ASZ1: variants seen among roughly 807,000 people sequenced by gnomAD.
ASZ1 encodes ankyrin repeat, SAM and basic leucine zipper domain containing 1, also known as ankyrin repeat, SAM and basic leucine zipper domain-containing protein 1.
In ASZ1, 67 loss-of-function variants were observed where a neutral mutation model predicts 61.8. That is an observed-to-expected ratio of 1.08 (90% CI 0.89 to 1.33). The LOEUF is 1.33. Among genes scored for constraint, ASZ1 ranks in the 40% most tolerant of loss-of-function variants. ASZ1 has a pLI of 0.00. For synonymous variants in ASZ1, 193 were observed against 192.7 expected, an observed-to-expected ratio of 1.00 and a Z score of -0.01; for missense variants, 577 against 554.5, an observed-to-expected ratio of 1.04 and a Z score of -0.41.
At chr7:117,386,800 C>T (rs964951663) in intron 4 of ASZ1, among the ~76,000 whole-genome samples, 4 of 152,066 alleles carry the variant, frequency 2.6e-5, no homozygotes, top group Non-Finnish European at 4.4e-5. Flanking sequence ...ACACCTATGT[C>T]CTTGTTAGCA....
intron 10 of ASZ1, among the ~76,000 whole-genome samples, chr7:117,370,529 G>A (rs1796029115): frequency 6.6e-6 from 1 of 152,128 alleles, no homozygotes; most frequent in Admixed American, 6.6e-5. Flanking sequence ...CCAATTTACA[G>A]TAGAAACAAC....
At chr7:117,390,178 G>A (rs1204554039) in intron 4 of ASZ1, among the ~76,000 whole-genome samples, 4 of 104,228 alleles carry the variant, frequency 3.8e-5, no homozygotes, top group Non-Finnish European at 5.2e-5. Flanking sequence ...TAACAGTGGG[G>A]GTTTTTTTTT....
At chr7:117,392,981 G>C (rs1584729788) in intron 4 of ASZ1, among the ~76,000 whole-genome samples, 1 of 151,808 alleles carries the variant, frequency 6.6e-6, no homozygotes. Flanking sequence ...TGAGTAGCTG[G>C]AACTACAGGC....
chr7:117,407,914 T>C (rs1796818628), intron 4 of ASZ1, among the ~76,000 whole-genome samples: 1 of 152,130 alleles, frequency 6.6e-6, no homozygotes, highest in Admixed American at 6.5e-5. Context: ...GGGCAGTTAG[T>C]GTGTATAGAG....
chr7:117,376,506 G>A (rs540098549), intron 10 of ASZ1, among the ~76,000 whole-genome samples: 1 of 152,170 alleles, frequency 6.6e-6, no homozygotes, highest in Non-Finnish European at 1.5e-5. Flanking sequence ...GAAACTTACA[G>A]AGCAATATTT....
chr7:117,420,323 C>G, intron 3 of ASZ1, 49 bp from the exon 4 acceptor site: 1 of 1,326,546 alleles, frequency 7.5e-7, no homozygotes, highest in Non-Finnish European at 1.1e-6. Flanking sequence ...TCAAGAGCAT[C>G]TATTCGATGT....
chr7:117,377,941 A>C (rs57088186), intron 10 of ASZ1, among the ~76,000 whole-genome samples: 19,154 of 152,014 alleles, frequency 0.13, 2,781 homozygotes, highest in African/African-American at 0.36. Flanking sequence ...TGGGGGAGGA[A>C]CAGCCTTTTC....
At chr7:117,375,821 A>G (rs1796125853) in intron 10 of ASZ1, among the ~76,000 whole-genome samples, 1 of 152,130 alleles carries the variant, frequency 6.6e-6, no homozygotes, top group Non-Finnish European at 1.5e-5. Flanking sequence ...TGTGGAATGC[A>G]ACTAAAGCAG....
chr7:117,370,345 G>GA (rs1352983397), intron 10 of ASZ1, among the ~76,000 whole-genome samples: 1 of 152,112 alleles, frequency 6.6e-6, no homozygotes, highest in Non-Finnish European at 1.5e-5. Flanking sequence ...GGGTGGAACA[G>GA]AAAAGCCACT....
At chr7:117,426,966 G>A in intron 1 of ASZ1, 31 bp from the exon 2 acceptor site, 1 of 1,557,964 alleles carries the variant, frequency 6.4e-7, no homozygotes, top group South Asian at 1.2e-5. Flanking sequence ...AAAAATTCTT[G>A]TTATATATAT....
chr7:117,416,626 G>A (rs1796998769), intron 4 of ASZ1, among the ~76,000 whole-genome samples: 1 of 152,170 alleles, frequency 6.6e-6, no homozygotes, highest in Non-Finnish European at 1.5e-5. Flanking sequence ...GAGGGAACTG[G>A]ACTGGCAAGA....
chr7:117,383,088 G>C lies in ASZ1; in HGVS notation c.710C>G (p.Thr237Ser). 6.4e-7 allele frequency: 1 copy of C among 1,565,300 alleles called. No individual in the cohort carries two copies. Among genetic ancestry groups the C allele is most frequent in the Non-Finnish European group, 8.6e-7 (1 of 1,159,442 alleles). Residue 237 changes from threonine to serine, a missense_variant, in exon 7 of 13, where the codon ACT becomes AGT. By Grantham distance (58) the Thr-to-Ser change is moderately conservative. Transcript: ENST00000284629. Reference sequence around the variant, plus strand: ...AAGTTTTCCTTCCAATGGATTTAAAGTAAAAGAAAGTAAGTTGAAGATCTG... The same window carrying C: ...AAGTTTTCCTTCCAATGGATTTAAACTAAAAGAAAGTAAGTTGAAGATCTG... ...HHEIFNLLSF[T>S]LNPLEGKLQQ...
At chr7:117,412,464 C>T (rs1029889521) in intron 4 of ASZ1, among the ~76,000 whole-genome samples, 1 of 151,854 alleles carries the variant, frequency 6.6e-6, no homozygotes, top group African/African-American at 2.4e-5. Flanking sequence ...GCCAAAATTA[C>T]ATTTTTATCT....
At chr7:117,378,914 T>C (rs1034100817) in intron 10 of ASZ1, among the ~76,000 whole-genome samples, 15 of 151,576 alleles carry the variant, frequency 9.9e-5, no homozygotes, top group Non-Finnish European at 2.2e-4. Context: ...ATTAGGATGA[T>C]TGAAAAAAGT....
In ASZ1 at chr7:117,363,721, T is replaced by A; in HGVS notation, c.1303A>T (p.Thr435Ser). 1.3e-6 allele frequency: 2 copies of A among 1,587,568 alleles called. No homozygotes were observed. Among genetic ancestry groups the A allele is most frequent in the Non-Finnish European group, 1.7e-6 (2 of 1,167,236 alleles). ...KLQNERENDP[T>S]HIQLREEVST... ...ACTTCTTCCCTTAATTGTATATGAG[T>A]TGGATCATTTTCCCGTTCATTTTGC... is the stretch of plus-strand genomic sequence containing the variant. Residue 435 changes from threonine (T) to serine (S), a missense_variant, in exon 13 of 13, where the codon ACT (threonine) becomes TCT (serine). Physicochemically the swap from Thr to Ser is moderately conservative, Grantham distance 58 (BLOSUM62 1). Coordinates refer to ENST00000284629, the MANE Select transcript of ASZ1 (RefSeq NM_130768.3).
At chr7:117,392,070 G>T (rs1163341086) in intron 4 of ASZ1, among the ~76,000 whole-genome samples, 1 of 152,144 alleles carries the variant, frequency 6.6e-6, no homozygotes, top group Non-Finnish European at 1.5e-5. Flanking sequence ...TGGGGTTACA[G>T]GTGTGAGCCA....
chr7:117,370,912 G>A (rs1363042019), intron 10 of ASZ1, among the ~76,000 whole-genome samples: 1 of 150,666 alleles, frequency 6.6e-6, no homozygotes, highest in African/African-American at 2.4e-5. Context: ...TGTAACCTCT[G>A]CTCCTGGGTT....
At chr7:117,385,854 T>C in intron 4 of ASZ1, 45 bp from the exon 5 acceptor site, 1 of 1,426,610 alleles carries the variant, frequency 7.0e-7, no homozygotes, top group Non-Finnish European at 9.9e-7. Flanking sequence ...ATGCTGCCAT[T>C]AATCTCTCAT....
intron 4 of ASZ1, among the ~76,000 whole-genome samples, chr7:117,407,822 T>G (rs1009776776): frequency 3.3e-5 from 5 of 152,184 alleles, no homozygotes; most frequent in African/African-American, 1.2e-4. Context: ...AGAAGGAGGA[T>G]CATCTGCTTC....
Sources: gnomAD v4.1 joint callset for allele counts (sites outside exome capture counted in the v4.1 genomes callset) on GRCh38, gnomAD v4.1.1 for gene constraint, MANE v1.5 for transcripts, NCBI Gene and HGNC (gene_info 2026-07-23, HGNC 2026-07-21) for gene names.